Variants in MMP3 observed in about 807,000 individuals in gnomAD.
The protein encoded by MMP3 is matrix metallopeptidase 3, also known as stromelysin-1.
MMP3 carries 46 observed loss-of-function variants against 47.3 expected under a neutral mutation model. The ratio of observed to expected loss-of-function variants is 0.97; its 90% CI spans 0.77 to 1.24. The LOEUF is 1.24. MMP3 is among the 50% of genes most tolerant of loss of function. The pLI, the probability that MMP3 is intolerant of heterozygous loss-of-function variation, is 0.00. For missense variants in MMP3, 558 were observed against 565.5 expected, an observed-to-expected ratio of 0.99 and a Z score of 0.13; for synonymous variants, 216 against 206.5, an observed-to-expected ratio of 1.05 and a Z score of -0.39.
At position 102,836,701 on chromosome 11, in the gene MMP3, C is replaced by T. The variant is rs533293751; in HGVS notation, c.1334-475G>A. ...GCAACTATTTCAAAACACCAGGGGACCCTTTAGTGCTCTGCAAACATGGTG... is the reference window on the plus strand; with the variant it reads ...GCAACTATTTCAAAACACCAGGGGATCCTTTAGTGCTCTGCAAACATGGTG... On this transcript the variant is annotated intron_variant, in intron 9 of 9. Coordinates refer to ENST00000299855, the MANE Select transcript of MMP3 (RefSeq NM_002422.5). This position sits in a 1 kb window ranked among gnomAD's most constrained non-coding sequence, Gnocchi z 4.6. 1.1e-4 allele frequency: 39 copies of T among 368,426 alleles called. No individual in the cohort carries two copies. Among genetic ancestry groups the T allele is most frequent in the South Asian group, 8.2e-4 (37 of 45,360 alleles). The allele number at this position is 368,426 out of a possible 1,614,324, so 22.8% of individuals were successfully genotyped here. A position where few individuals can be genotyped will look rare whatever the true frequency, so the allele number is the denominator to read the frequency against.
In MMP3 at chr11:102,839,312, G is replaced by A. The variant is rs189374474; in HGVS notation, c.936-69C>T. 6.4e-5 allele frequency: 100 copies of A among 1,574,160 alleles called. No individual in the cohort carries two copies. The African/African-American group carries it at 7.9e-4, about 12-fold the overall frequency. ...TCACCTTTAGAATATTTTCCTCACC[G>A]TCTTGCCTCACCCAGCTTCCCCCAT... On this transcript the variant is annotated intron_variant, in intron 6 of 9. Coordinates refer to ENST00000299855, the MANE Select transcript of MMP3 (RefSeq NM_002422.5).
Position 102,842,732 on chromosome 11 carries a change from A to G in MMP3, c.290T>C (p.Val97Ala), listed in dbSNP as rs782571621. 25 of 1,613,732 alleles carry G rather than the reference A, an allele frequency of 1.5e-5. 2 individuals are homozygous for G. The highest frequency in any genetic ancestry group is 3.3e-4 in the Middle Eastern group (2 of 6,084). ...GCCAGGAAAGGTTCTGAAGTGACCA[A>G]CATCAGGAACTCCACACCTGGGCTT... is the stretch of plus-strand genomic sequence containing the variant. Reference protein sequence around the residue: ...MRKPRCGVPDVGHFRTFPGIP... With the variant: ...MRKPRCGVPDAGHFRTFPGIP... Residue 97 changes from valine to alanine, a missense_variant, in exon 2 of 10, where the codon GTT (valine) becomes GCT (alanine). By Grantham distance (64) the Val-to-Ala change is moderately conservative (BLOSUM62 0). Coordinates refer to ENST00000299855, the MANE Select transcript of MMP3 (RefSeq NM_002422.5).
In MMP3 at chr11:102,836,101, A is replaced by G. The variant is rs374387693; in HGVS notation, c.*25T>C. The G allele has an allele frequency of 1.3e-5, 20 of 1,515,242 alleles. No homozygotes were observed. In the East Asian group the frequency reaches 2.7e-4, roughly 20 times the overall value. 93.9% of individuals were successfully genotyped at this position (1,515,242 alleles called of 1,614,324 possible). ...ATTATTAGCTTCATTTAAAGTGCCCATATTGTGCCTTCTACATATCTCTTT... is the reference window on the plus strand; with the variant it reads ...ATTATTAGCTTCATTTAAAGTGCCCGTATTGTGCCTTCTACATATCTCTTT... On this transcript the variant is annotated 3_prime_UTR_variant, in exon 10 of 10. Coordinates refer to ENST00000299855, the MANE Select transcript of MMP3 (RefSeq NM_002422.5). This position sits in a 1 kb window ranked among gnomAD's most constrained non-coding sequence, Gnocchi z 4.6.
chr11:102,837,319 C>T lies in MMP3; in HGVS notation c.1312G>A (p.Asp438Asn). The change falls in exon 9 of 10, where the codon GAT becomes AAT. Residue 438 changes from aspartate (D) to asparagine (N), a missense_variant. Coordinates refer to ENST00000299855, the MANE Select transcript of MMP3 (RefSeq NM_002422.5). This position sits in a 1 kb window ranked among gnomAD's most constrained non-coding sequence, Gnocchi z 4.4. ...EDFPGIDSKI[D>N]AVFEEFGFFY... ...TTACCAAATTCTTCAAAAACAGCAT[C>T]AATCTTTGAGTCAATCCCTGGAAAG... The T allele has an allele frequency of 6.2e-7, 1 of 1,613,872 alleles. No homozygotes were observed. The highest frequency in any genetic ancestry group is 8.5e-7 in the Non-Finnish European group (1 of 1,179,886).
intron 7 of MMP3, 94 bp downstream of exon 7, chr11:102,839,016 C>A: frequency 7.3e-7 from 1 of 1,373,974 alleles, no homozygotes; most frequent in South Asian, 1.3e-5. Flanking sequence ...ACTGTATTAG[C>A]CAGAACTTGT....
At chr11:102,838,981 G>C in intron 7 of MMP3, 129 bp downstream of exon 7, 2 of 993,822 alleles carry the variant, frequency 2.0e-6, no homozygotes, top group Non-Finnish European at 3.0e-6. Context: ...TATCAGCCCT[G>C]GTTATTTCTT....
In MMP3 at chr11:102,842,663, A is replaced by G; in HGVS notation, c.350+9T>C. On this transcript the variant is annotated intron_variant, in intron 2 of 9. Transcript: ENST00000299855. The stretch of plus-strand genomic sequence containing the variant: ...CCAATCTTATGTGAAAACCCCTCTG[A>G]ACCATTACCTGTATGTAAGGTGGGT... 6.2e-7 allele frequency: 1 copy of G among 1,613,770 alleles called. No homozygotes were observed. Among genetic ancestry groups the G allele is most frequent in the Non-Finnish European group, 8.5e-7 (1 of 1,179,834 alleles).
intron 4 of MMP3, 108 bp from the exon 5 acceptor site, chr11:102,840,701 T>A (rs1555005316): frequency 1.9e-6 from 2 of 1,059,454 alleles, no homozygotes; most frequent in Non-Finnish European, 2.7e-6. Context: ...CACACAGGGC[T>A]TTTTACACCT....
Position 102,835,935 on chromosome 11 carries a change from C to T in MMP3, c.*191G>A. The T allele has an allele frequency of 1.8e-6, 1 of 544,072 alleles. No individual in the cohort carries two copies. The highest frequency in any genetic ancestry group is 3.3e-6 in the Non-Finnish European group (1 of 302,918). 33.7% of individuals were successfully genotyped at this position (544,072 alleles called of 1,614,324 possible). A position where few individuals can be genotyped will look rare whatever the true frequency, so the allele number is the denominator to read the frequency against. ...ATGTGACAAGGTGCAAGCTAAGCAG[C>T]AGCCCATTTGAATGCCCTGTAATAA... On this transcript the variant is annotated 3_prime_UTR_variant, in exon 10 of 10. Transcript: ENST00000299855.
chr11:102,839,556 C>A (rs1381397844), intron 6 of MMP3, among the ~76,000 whole-genome samples: 1 of 152,196 alleles, frequency 6.6e-6, no homozygotes, highest in African/African-American at 2.4e-5. Context: ...GTGCTATACC[C>A]TCTTCCAAAA....
In MMP3 at chr11:102,837,584, A is replaced by G. The variant is rs1232766607; in HGVS notation, c.1230-183T>C. 1.3e-5 allele frequency among the ~76,000 whole-genome samples: 2 copies of G among 152,168 alleles called. No homozygotes were observed. The highest frequency in any genetic ancestry group is 6.5e-5 in the Admixed American group (1 of 15,272). Reference sequence around the variant, plus strand: ...GGTACTGTAAAGAGTTCTGAAAGCCATATCTCCATCCGGAACAGGGGCCGC... The same window carrying G: ...GGTACTGTAAAGAGTTCTGAAAGCCGTATCTCCATCCGGAACAGGGGCCGC... On this transcript the variant is annotated intron_variant, in intron 8 of 9. Coordinates refer to ENST00000299855, the MANE Select transcript of MMP3 (RefSeq NM_002422.5). This position sits in a 1 kb window ranked among gnomAD's most constrained non-coding sequence, Gnocchi z 4.4.
chr11:102,839,125 C>T lies in MMP3; in HGVS notation c.1054G>A (p.Val352Ile), dbSNP rs536550929. 1.9e-5 allele frequency: 31 copies of T among 1,612,470 alleles called. No homozygotes were observed. The South Asian group carries it at 2.9e-4, about 15-fold the overall frequency. Residue 352 changes from valine to isoleucine, a missense_variant, in exon 7 of 10, where the codon GTT becomes ATT. Val to Ile is a conservative substitution (Grantham distance 29). Coordinates refer to ENST00000299855, the MANE Select transcript of MMP3 (RefSeq NM_002422.5). The part of the protein sequence containing the change: ...AAYEVTSKDL[V>I]FIFKGNQFWA... Reference sequence around the variant, plus strand: ...TAGTAATTACCTTTAAAAATGAAAACGAGGTCCTTGCTAGTAACTTCATAT... The same window carrying T: ...TAGTAATTACCTTTAAAAATGAAAATGAGGTCCTTGCTAGTAACTTCATAT...
Position 102,842,916 on chromosome 11 carries a change from T to A in MMP3, c.106A>T (p.Lys36Ter). The change falls in exon 2 of 10, where the codon AAA (lysine) becomes TAA (stop). Residue 36 changes from lysine (K) to a stop codon, truncating the protein, a stop_gained and splice_region_variant. Transcript: ENST00000299855. LOFTEE classifies it high-confidence loss of function. Reference protein sequence around the residue: ...GEDTSMNLVQKYLENYYDLKK... With the variant: ...GEDTSMNLVQ ...AGGTCGTAGTAGTTTTCTAGATATT[T>A]CTAACAGAATAAGTATAGTTTTTAG... 2 of 1,597,600 alleles carry A rather than the reference T, an allele frequency of 1.3e-6. No individual in the cohort carries two copies. Among genetic ancestry groups the A allele is most frequent in the South Asian group, 2.2e-5 (2 of 89,356 alleles).
Position 102,842,425 on chromosome 11 carries a change from T to TTC in MMP3, c.499+5_499+6insGA. The TTC allele has an allele frequency of 6.5e-7, 1 of 1,534,760 alleles. No homozygotes were observed. Among genetic ancestry groups the TTC allele is most frequent in the South Asian group, 1.3e-5 (1 of 79,002 alleles). ...TTTGCTTTTTTTTTTTTTTTTTTTT[T>TTC]TTTACCTCTAACTGCAAAAGAGATC... On this transcript the variant is annotated splice_donor_region_variant and intron_variant, in intron 3 of 9. Transcript: ENST00000299855.
At chr11:102,841,197 T>C (rs983993109) in intron 4 of MMP3, among the ~76,000 whole-genome samples, 1 of 152,194 alleles carries the variant, frequency 6.6e-6, no homozygotes, top group Non-Finnish European at 1.5e-5. Flanking sequence ...ACATAAACAC[T>C]GGCTTTATTC....
Position 102,836,092 on chromosome 11 carries a change from A to G in MMP3, c.*34T>C. 1.4e-6 allele frequency: 2 copies of G among 1,444,166 alleles called. No homozygotes were observed. The highest frequency in any genetic ancestry group is 1.8e-4 in the Middle Eastern group (1 of 5,694). The allele number at this position is 1,444,166 out of a possible 1,614,324, so 89.5% of individuals were successfully genotyped here. A position where few individuals can be genotyped will look rare whatever the true frequency, so the allele number is the denominator to read the frequency against. On this transcript the variant is annotated 3_prime_UTR_variant, in exon 10 of 10. Coordinates refer to ENST00000299855, the MANE Select transcript of MMP3 (RefSeq NM_002422.5). This position sits in a 1 kb window ranked among gnomAD's most constrained non-coding sequence, Gnocchi z 4.6. The stretch of plus-strand genomic sequence containing the variant: ...AGGTGAAGAATTATTAGCTTCATTT[A>G]AAGTGCCCATATTGTGCCTTCTACA...
In MMP3 at chr11:102,836,010, G is replaced by A; in HGVS notation, c.*116C>T. 1 of 750,912 alleles carries A rather than the reference G, an allele frequency of 1.3e-6. No homozygotes were observed. The highest frequency in any genetic ancestry group is 2.3e-6 in the Non-Finnish European group (1 of 442,454). The allele number at this position is 750,912 out of a possible 1,614,324, so 46.5% of individuals were successfully genotyped here. ...GATTCACGCTCAAGTTCCCTTGAGT[G>A]TGACTCGAGTCACAGCACAGGCAGG... On this transcript the variant is annotated 3_prime_UTR_variant, in exon 10 of 10. Transcript: ENST00000299855. The surrounding 1 kb of genome is among the most constrained non-coding windows in gnomAD (Gnocchi z 4.6).
At chr11:102,843,272 A>G (rs1859043216) in intron 1 of MMP3, among the ~76,000 whole-genome samples, 170 bp downstream of exon 1, 2 of 152,110 alleles carry the variant, frequency 1.3e-5, no homozygotes, top group South Asian at 4.2e-4. Context: ...GAGAAGCCCA[A>G]ATGGTGTGAT....
intron 4 of MMP3, among the ~76,000 whole-genome samples, chr11:102,841,552 A>G (rs1028241066): frequency 8.5e-5 from 13 of 152,142 alleles, no homozygotes; most frequent in African/African-American, 2.4e-4. Flanking sequence ...GATTTTTTTG[A>G]AAACTTTGGA....
Sources: allele counts gnomAD v4.1 joint callset (sites outside exome capture counted in the v4.1 genomes callset), GRCh38; gene constraint gnomAD v4.1.1; non-coding constraint Gnocchi (gnomAD v3.1); transcripts MANE v1.5; gene names NCBI Gene and HGNC (gene_info 2026-07-23, HGNC 2026-07-21).